ARID4B: variants seen among roughly 807,000 people sequenced by gnomAD.
The protein encoded by ARID4B is AT-rich interactive domain-containing protein 4B.
Under a neutral mutation model 147.5 loss-of-function variants are expected in ARID4B, and 26 were observed. The observed-to-expected ratio is 0.18, with a 90% CI of 0.13 to 0.24. The LOEUF (loss-of-function observed/expected upper bound fraction) is 0.24. Among genes scored for constraint, ARID4B ranks in the 10% least tolerant of loss-of-function variants. ARID4B has a pLI of 1.00. For missense variants in ARID4B, 1,179 were observed against 1,511.5 expected (o/e 0.78, Z 3.65); for synonymous variants, 512 against 507.9 (o/e 1.01, Z -0.11).
intron 7 of ARID4B, among the ~76,000 whole-genome samples, chr1:235,245,802 C>T (rs1669267343): frequency 6.6e-6 from 1 of 152,030 alleles, no homozygotes; most frequent in South Asian, 2.1e-4. Context: ...TTCACAACAA[C>T]ACTAAGAGAT....
At chr1:235,173,794 A>ATATATATATATATATATG (rs1663623179) in intron 22 of ARID4B, among the ~76,000 whole-genome samples, 1 of 78,458 alleles carries the variant, frequency 1.3e-5, no homozygotes, top group African/African-American at 5.1e-5. Flanking sequence ...ATATATATAT[A>ATATATATATATATATATG]TATATATATA....
chr1:235,297,768 TA>T (rs1278687178), intron 2 of ARID4B, among the ~76,000 whole-genome samples: 7 of 152,152 alleles, frequency 4.6e-5, no homozygotes, highest in Non-Finnish European at 1.0e-4. Context: ...TTACAGGGGT[TA>T]AACCAAACCA....
chr1:235,280,731 AGGAAAACCCTGTGACCTAGGG>A (rs1671611663), intron 2 of ARID4B, among the ~76,000 whole-genome samples: 1 of 152,218 alleles, frequency 6.6e-6, no homozygotes, highest in East Asian at 1.9e-4. Context: ...GGTTATGGCA[AGGAAAACCCTGTGACCTAGGG>A]AGTCGCCAGG....
chr1:235,270,425 T>A (rs867672611), intron 2 of ARID4B, among the ~76,000 whole-genome samples: 1 of 151,946 alleles, frequency 6.6e-6, no homozygotes, highest in African/African-American at 2.4e-5. Flanking sequence ...CCCCACTGTG[T>A]ATCTTCTTAA....
chr1:235,230,031 G>T (rs182869964), intron 10 of ARID4B, among the ~76,000 whole-genome samples: 2 of 152,322 alleles, frequency 1.3e-5, no homozygotes, highest in Non-Finnish European at 2.9e-5. Flanking sequence ...TCAAGTGACA[G>T]ATGCAATTAC....
At position 235,280,920 on chromosome 1, in the gene ARID4B, T is replaced by C. The variant is rs573728997; in HGVS notation, c.7-20168A>G. Among the ~76,000 whole-genome samples the C allele has an allele frequency of 3.3e-5, 5 of 151,888 alleles. No homozygotes were observed. In the East Asian group the frequency reaches 9.7e-4, roughly 29 times the overall value. On this transcript the variant is annotated intron_variant, in intron 2 of 23. Coordinates refer to ENST00000264183, the MANE Select transcript of ARID4B (RefSeq NM_016374.6). ...CTTAATATTGGGTGAGCGCTAATTC[T>C]CAGTTCAAAAATTAAATCATATGTA...
chr1:235,327,103 A>C, intron 1 of ARID4B, 135 bp from the exon 2 acceptor site: 1 of 628,908 alleles, frequency 1.6e-6, no homozygotes, highest in Non-Finnish European at 2.8e-6. Flanking sequence ...CCGAACCATC[A>C]CACGCCGACT....
intron 19 of ARID4B, among the ~76,000 whole-genome samples, chr1:235,183,939 C>T (rs895523899): frequency 9.9e-5 from 15 of 151,894 alleles, no homozygotes; most frequent in African/African-American, 3.6e-4. Flanking sequence ...GTGCCACATC[C>T]AGTGAATTTT....
intron 17 of ARID4B, among the ~76,000 whole-genome samples, chr1:235,201,145 C>CA (rs1452216404): frequency 3.3e-5 from 5 of 149,744 alleles, no homozygotes; most frequent in South Asian, 4.2e-4. Flanking sequence ...ACTCTGTCTC[C>CA]AAAAAAAATA....
chr1:235,290,298 C>T (rs924912875), intron 2 of ARID4B, among the ~76,000 whole-genome samples: 24 of 151,628 alleles, frequency 1.6e-4, no homozygotes, highest in African/African-American at 9.7e-5. Context: ...CAAAACTTAG[C>T]GGGGCATGGT....
At chr1:235,181,526 ATTGAAACT>A in intron 20 of ARID4B, 51 bp downstream of exon 20, 2 of 1,549,520 alleles carry the variant, frequency 1.3e-6, no homozygotes, top group Non-Finnish European at 1.7e-6. Flanking sequence ...CTGTGAAATC[ATTGAAACT>A]TTAAGAGGGG....
In ARID4B at chr1:235,220,327, C is replaced by G. The variant is rs376370410; in HGVS notation, c.1382G>C (p.Arg461Thr). The change falls in exon 15 of 24, where the codon AGA becomes ACA. Residue 461 changes from arginine to threonine, a missense_variant. Physicochemically the swap from Arg to Thr is moderately conservative, Grantham distance 71. This residue lies in a region of ARID4B where 204 missense variants were observed against 210.9 expected (regional missense o/e 0.97). Coordinates refer to ENST00000264183, the MANE Select transcript of ARID4B (RefSeq NM_016374.6). ...EEKPIEDEIE[R>T]KENIKPSLGS... ...CAGAGAGGGCTTAATATTTTCTTTT[C>G]TTTCAATTTCATCCTCAATAGGCTT... 24 of 1,601,474 alleles carry G rather than the reference C, an allele frequency of 1.5e-5. No individual in the cohort carries two copies. In the East Asian group the frequency reaches 3.6e-4, roughly 24 times the overall value.
At chr1:235,175,439 CAAT>C (rs771898573) in intron 21 of ARID4B, 40 bp from the exon 22 acceptor site, 48 of 1,514,580 alleles carry the variant, frequency 3.2e-5, no homozygotes, top group Non-Finnish European at 4.4e-5. Context: ...AAAAATGTAA[CAAT>C]AAATTTGTCA....
At chr1:235,307,110 G>A (rs1673627457) in intron 2 of ARID4B, among the ~76,000 whole-genome samples, 1 of 152,310 alleles carries the variant, frequency 6.6e-6, no homozygotes. Context: ...AATGGGGGAA[G>A]GGGGAATGGG....
At chr1:235,233,864 A>G (rs923838878) in intron 9 of ARID4B, among the ~76,000 whole-genome samples, 2 of 152,218 alleles carry the variant, frequency 1.3e-5, no homozygotes, top group African/African-American at 4.8e-5. Flanking sequence ...GCAGATCACG[A>G]GATCAGGAGT....
intron 23 of ARID4B, among the ~76,000 whole-genome samples, chr1:235,172,371 G>A (rs755296199): frequency 6.6e-6 from 1 of 152,132 alleles, no homozygotes; most frequent in African/African-American, 2.4e-5. Flanking sequence ...GAGGTCAGGA[G>A]TTAGAGACCA....
At chr1:235,229,459 TAAAG>T (rs1668062486) in intron 10 of ARID4B, 74 bp from the exon 11 acceptor site, 4 of 1,072,686 alleles carry the variant, frequency 3.7e-6, no homozygotes, top group Non-Finnish European at 5.6e-6. Context: ...TTAAACACGA[TAAAG>T]AAATAAAAAC....
chr1:235,261,905 A>G (rs1156576342), intron 2 of ARID4B, among the ~76,000 whole-genome samples: 1 of 152,232 alleles, frequency 6.6e-6, no homozygotes, highest in Non-Finnish European at 1.5e-5. Flanking sequence ...ACCAAAAGGA[A>G]AGGAGGCAGG....
At chr1:235,302,628 T>C (rs1221409351) in intron 2 of ARID4B, among the ~76,000 whole-genome samples, 7 of 152,228 alleles carry the variant, frequency 4.6e-5, no homozygotes, top group African/African-American at 1.7e-4. Flanking sequence ...TATACTCCTA[T>C]TGATAACACT....
Sources: gnomAD v4.1 joint callset for allele counts (sites outside exome capture counted in the v4.1 genomes callset) on GRCh38, gnomAD v4.1.1 for gene constraint, gnomAD v4.1.1 regional missense constraint, MANE v1.5 for transcripts, NCBI Gene and HGNC (gene_info 2026-07-23, HGNC 2026-07-21) for gene names.